PRKCE: variants seen among roughly 807,000 people sequenced by gnomAD.
PRKCE encodes protein kinase C epsilon type.
In PRKCE, 16 loss-of-function variants were observed where a neutral mutation model predicts 85.4. The observed-to-expected ratio is 0.19, with a 90% CI of 0.13 to 0.28. The LOEUF (loss-of-function observed/expected upper bound fraction) is 0.28. Among genes scored for constraint, PRKCE ranks in the 10% least tolerant of loss-of-function variants. The pLI is 1.00. For synonymous variants in PRKCE, 388 were observed against 371.5 expected, an observed-to-expected ratio of 1.04 and a Z score of -0.51; for missense variants, 573 against 975.2, an observed-to-expected ratio of 0.59 and a Z score of 5.49.
At chr2:46,054,665 G>A (rs13424812) in intron 10 of PRKCE, among the ~76,000 whole-genome samples, 16,160 of 152,172 alleles carry the variant, frequency 0.11, 1,212 homozygotes, top group African/African-American at 0.21. Flanking sequence ...AGGGAAATTC[G>A]GGGCAGAAGA....
intron 10 of PRKCE, among the ~76,000 whole-genome samples, chr2:46,026,976 T>G (rs563730292): frequency 2.0e-5 from 3 of 152,230 alleles, no homozygotes; most frequent in Middle Eastern, 3.4e-3. Context: ...GCTTGAGCCC[T>G]GGGAACATAG....
chr2:46,078,892 T>C (rs1369777229), intron 10 of PRKCE: 1 of 151,958 alleles, frequency 6.6e-6, no homozygotes, highest in African/African-American at 2.4e-5. Context: ...AATATAGGAG[T>C]TTCTGGCCGG....
intron 1 of PRKCE, among the ~76,000 whole-genome samples, chr2:45,762,285 G>T (rs764280677): frequency 5.3e-5 from 8 of 152,148 alleles, no homozygotes; most frequent in Non-Finnish European, 1.0e-4. Context: ...GTGTATCTGG[G>T]GATGTTGCCC....
At chr2:45,819,583 C>G (rs372721568) in intron 1 of PRKCE, among the ~76,000 whole-genome samples, 1 of 152,146 alleles carries the variant, frequency 6.6e-6, no homozygotes, top group South Asian at 2.1e-4. Context: ...TGGTTTTTCA[C>G]GTTCCTGGGC....
chr2:45,945,577 A>G (rs1700188481), intron 2 of PRKCE, among the ~76,000 whole-genome samples: 1 of 152,180 alleles, frequency 6.6e-6, no homozygotes, highest in Non-Finnish European at 1.5e-5. Context: ...GCCAGGCTAC[A>G]CCACAACCAC....
intron 1 of PRKCE, among the ~76,000 whole-genome samples, chr2:45,828,394 C>T (rs1340248782): frequency 2.0e-5 from 3 of 152,064 alleles, no homozygotes; most frequent in South Asian, 2.1e-4. Flanking sequence ...AGCGAGACTC[C>T]GTCTCAAAAA....
intron 1 of PRKCE, among the ~76,000 whole-genome samples, chr2:45,741,501 C>T (rs1019200743): frequency 1.5e-4 from 23 of 152,184 alleles, no homozygotes; most frequent in African/African-American, 4.6e-4. Flanking sequence ...AGCCAAGGTT[C>T]TTCTGGGAGA....
At chr2:46,055,402 C>T (rs57767215) in intron 10 of PRKCE, among the ~76,000 whole-genome samples, 23,114 of 152,218 alleles carry the variant, frequency 0.15, 2,968 homozygotes, top group African/African-American at 0.35. Context: ...CTAGTTCTAG[C>T]GCCCGTGAAC....
At chr2:46,010,932 A>C in intron 10 of PRKCE, 1 of 1,425,970 alleles carries the variant, frequency 7.0e-7, no homozygotes, top group Non-Finnish European at 9.1e-7. Context: ...AATCTGTGTA[A>C]TGTCATCTGA....
intron 5 of PRKCE, among the ~76,000 whole-genome samples, chr2:45,982,172 A>G (rs115603947): frequency 0.029 from 4,399 of 152,304 alleles, 90 homozygotes; most frequent in Middle Eastern, 0.058. Context: ...GTGCTTCCAG[A>G]GGCCAGTCTC....
Position 46,159,546 on chromosome 2 carries a change from T to A in PRKCE, c.1921-60T>A. The stretch of plus-strand genomic sequence containing the variant: ...GCTTTGGCTGACCTCCATCTGTCCC[T>A]TATAGCCTGTGCTGGCCAGGCCTTT... On this transcript the variant is annotated intron_variant, in intron 13 of 14. Coordinates refer to ENST00000306156, the MANE Select transcript of PRKCE (RefSeq NM_005400.3). This position sits in a 1 kb window ranked among gnomAD's most constrained non-coding sequence, Gnocchi z 4.1. 6.6e-7 allele frequency: 1 copy of A among 1,523,704 alleles called. No homozygotes were observed. Among genetic ancestry groups the A allele is most frequent in the Non-Finnish European group, 8.8e-7 (1 of 1,142,404 alleles). The allele number at this position is 1,523,704 out of a possible 1,614,324, so 94.4% of individuals were successfully genotyped here.
At chr2:45,714,674 C>T (rs1679943490) in intron 1 of PRKCE, among the ~76,000 whole-genome samples, 1 of 152,146 alleles carries the variant, frequency 6.6e-6, no homozygotes, top group Non-Finnish European at 1.5e-5. Flanking sequence ...TAAAGAGGTC[C>T]TGTGTGGGGA....
chr2:45,681,020 G>C (rs1165937921), intron 1 of PRKCE, among the ~76,000 whole-genome samples: 1 of 152,140 alleles, frequency 6.6e-6, no homozygotes, highest in Non-Finnish European at 1.5e-5. Flanking sequence ...GCTGAGTGCG[G>C]TGGCGCACGC....
At chr2:45,665,332 A>T (rs1028118951) in intron 1 of PRKCE, among the ~76,000 whole-genome samples, 14 of 152,120 alleles carry the variant, frequency 9.2e-5, no homozygotes, top group African/African-American at 2.7e-4. Context: ...TAGCTTTGTG[A>T]CTTTGAGAAA....
intron 11 of PRKCE, among the ~76,000 whole-genome samples, chr2:46,106,376 C>T (rs1157184090): frequency 6.6e-6 from 1 of 152,180 alleles, no homozygotes; most frequent in Non-Finnish European, 1.5e-5. Flanking sequence ...AGTGTTCATT[C>T]CCAGTATATA....
intron 13 of PRKCE, among the ~76,000 whole-genome samples, chr2:46,152,310 T>A (rs1167315629): frequency 6.6e-6 from 1 of 151,646 alleles, no homozygotes; most frequent in Non-Finnish European, 1.5e-5. Flanking sequence ...GCCTCCTGAG[T>A]AGCTGGGATT....
chr2:45,825,512 A>G (rs1044451110), intron 1 of PRKCE, among the ~76,000 whole-genome samples: 2 of 152,172 alleles, frequency 1.3e-5, no homozygotes, highest in Non-Finnish European at 2.9e-5. Flanking sequence ...TCCCCACCAC[A>G]CAAACCTCAC....
chr2:45,665,362 A>C (rs891606653), intron 1 of PRKCE, among the ~76,000 whole-genome samples: 12 of 151,980 alleles, frequency 7.9e-5, no homozygotes, highest in African/African-American at 2.9e-4. Context: ...ACCTCCTCAA[A>C]CTTCTGTTTG....
At chr2:46,016,657 C>A (rs376683002) in intron 10 of PRKCE, among the ~76,000 whole-genome samples, 29 of 152,202 alleles carry the variant, frequency 1.9e-4, no homozygotes, top group Middle Eastern at 3.4e-3. Context: ...GCCTGTAACC[C>A]CAGCACTTTG....
Sources: allele counts gnomAD v4.1 joint callset (sites outside exome capture counted in the v4.1 genomes callset), GRCh38; gene constraint gnomAD v4.1.1; non-coding constraint Gnocchi (gnomAD v3.1); transcripts MANE v1.5; gene names NCBI Gene and HGNC (gene_info 2026-07-23, HGNC 2026-07-21).